The following CACNA1A variants were observed in gnomAD, a reference collection of about 807,000 sequenced individuals.
CACNA1A encodes voltage-dependent P/Q-type calcium channel subunit alpha-1A.
Under a neutral mutation model 262.4 loss-of-function variants are expected in CACNA1A, and 57 were observed. The ratio of observed to expected loss-of-function variants is 0.22; its 90% confidence interval spans 0.18 to 0.27. The LOEUF (loss-of-function observed/expected upper bound fraction) is 0.27. Among genes scored for constraint, CACNA1A ranks in the 10% least tolerant of loss-of-function variants. The pLI is 1.00. For synonymous variants in CACNA1A, 1,431 were observed against 1,419.3 expected, an observed-to-expected ratio of 1.01 and a Z score of -0.18; for missense variants, 2,526 against 3,562.8, an observed-to-expected ratio of 0.71 and a Z score of 7.41.
At chr19:13,409,571 G>T (rs2060073370) in intron 3 of CACNA1A, among the ~76,000 whole-genome samples, 1 of 151,976 alleles carries the variant, frequency 6.6e-6, no homozygotes, top group African/African-American at 2.4e-5. Flanking sequence ...TTTGAGGCAG[G>T]GTCTTATTCT....
intron 1 of CACNA1A, among the ~76,000 whole-genome samples, chr19:13,489,162 C>T (rs1261883251): frequency 6.6e-6 from 1 of 151,602 alleles, no homozygotes; most frequent in African/African-American, 2.4e-5. Flanking sequence ...CGGGTGTGCA[C>T]CACCATGCCC....
rs143245670 is a variant in CACNA1A at position 13,227,366 on chromosome 19, AAAGAAG to A, written c.5625+59_5625+64del. The A allele has an allele frequency of 1.0e-3, 661 of 647,970 alleles. 3 individuals carry two copies. The highest frequency in any genetic ancestry group is 8.8e-3 in the South Asian group (439 of 49,848). The allele number at this position is 647,970 out of a possible 1,614,324, so 40.1% of individuals were successfully genotyped here. On this transcript the variant is annotated intron_variant, in intron 37 of 46. Transcript: ENST00000360228. ...GGTGTTTCTGGTCAGCACTAAAAAA[AAAGAAG>A]AAGAAGAAGAAAAAAAAACCCAGTG...
In CACNA1A at chr19:13,346,195, C is replaced by T. The variant is rs1044096787; in HGVS notation, c.979-10286G>A. On this transcript the variant is annotated intron_variant, in intron 6 of 46. Transcript: ENST00000360228. Reference sequence around the variant, plus strand: ...GGGATTACAGGCGGGAGCCACCATGCCTGGCTGATCCATGAAGTATTTTAT... The same window carrying T: ...GGGATTACAGGCGGGAGCCACCATGTCTGGCTGATCCATGAAGTATTTTAT... Among the ~76,000 whole-genome samples, 4 of 152,106 alleles carry T rather than the reference C, an allele frequency of 2.6e-5. No homozygotes were observed. The East Asian group carries it at 7.7e-4, about 29-fold the overall frequency.
chr19:13,318,888 A>ATTTTTTTTTTTT (rs1600317762), intron 10 of CACNA1A, among the ~76,000 whole-genome samples: 1 of 94,680 alleles, frequency 1.1e-5, no homozygotes, highest in African/African-American at 5.0e-5. Context: ...TCTAAAATAC[A>ATTTTTTTTTTTT]TCTTTTTTTT....
intron 38 of CACNA1A, among the ~76,000 whole-genome samples, chr19:13,219,062 T>C (rs1311893055): frequency 1.8e-5 from 2 of 110,888 alleles, no homozygotes; most frequent in East Asian, 3.7e-4. Context: ...TTTTTTTTTT[T>C]CTAATAGAGT....
chr19:13,255,131 G>A lies in CACNA1A; in HGVS notation c.4719C>T (p.Ala1573=), dbSNP rs200922934. 1 of 1,613,920 alleles carries A rather than the reference G, an allele frequency of 6.2e-7. No individual in the cohort carries two copies. The highest frequency in any genetic ancestry group is 2.2e-5 in the East Asian group (1 of 44,878). Residue 1573 remains alanine (A), a synonymous_variant, in exon 29 of 47, where the codon GCC becomes GCT. Coordinates refer to ENST00000360228, the MANE Select transcript of CACNA1A (RefSeq NM_001127222.2). ...GCACGATGGTGTTGAGGGCGATCAT[G>A]GCCATGATCGTGTACTCGAAAGGCG... The part of the protein sequence containing the change: ...VSPPFEYTIM[A]MIALNTIVLM...
At chr19:13,340,982 G>A (rs1479224750) in intron 6 of CACNA1A, among the ~76,000 whole-genome samples, 5 of 152,192 alleles carry the variant, frequency 3.3e-5, no homozygotes, top group African/African-American at 7.2e-5. Context: ...TGAGGTAGGA[G>A]GATTGCTTGA....
chr19:13,413,738 G>T (rs1448667418), intron 3 of CACNA1A, among the ~76,000 whole-genome samples: 1 of 148,480 alleles, frequency 6.7e-6, no homozygotes, highest in African/African-American at 2.5e-5. Context: ...AAAAATTGCC[G>T]GGTGTGGTGC....
intron 3 of CACNA1A, among the ~76,000 whole-genome samples, chr19:13,428,187 C>G (rs2060440537): frequency 6.6e-6 from 1 of 152,148 alleles, no homozygotes; most frequent in Non-Finnish European, 1.5e-5. Context: ...CTTGGCCTCA[C>G]GACGTGCTGG....
At chr19:13,434,675 C>A (rs1274470729) in intron 3 of CACNA1A, among the ~76,000 whole-genome samples, 1 of 152,136 alleles carries the variant, frequency 6.6e-6, no homozygotes, top group Non-Finnish European at 1.5e-5. Context: ...TTTCCTGAGG[C>A]CTTCCCAGAA....
At chr19:13,367,660 G>A (rs542868591) in intron 4 of CACNA1A, among the ~76,000 whole-genome samples, 3 of 152,014 alleles carry the variant, frequency 2.0e-5, no homozygotes, top group East Asian at 2.0e-4. Flanking sequence ...CCCGGGAGGT[G>A]GAGCTTGCAG....
At position 13,303,570 on chromosome 19, in the gene CACNA1A, C is replaced by A. The variant is rs1419183049; in HGVS notation, c.2148G>T (p.Leu716=). Residue 716 remains leucine (L), a synonymous_variant, in exon 17 of 47, where the codon CTG becomes CTT. Coordinates refer to ENST00000360228, the MANE Select transcript of CACNA1A (RefSeq NM_001127222.2). ...CCTTGGTGAGCTCCTGGGCGTTGGCCAGATTGTCCACAGCGATGGCCAAGA... is the reference window on the plus strand; with the variant it reads ...CCTTGGTGAGCTCCTGGGCGTTGGCAAGATTGTCCACAGCGATGGCCAAGA... The part of the protein sequence containing the change: ...NVFLAIAVDN[L]ANAQELTKDE... 4.4e-6 allele frequency: 7 copies of A among 1,600,550 alleles called. No individual in the cohort carries two copies. Among genetic ancestry groups the A allele is most frequent in the Non-Finnish European group, 6.0e-6 (7 of 1,172,294 alleles).
At chr19:13,293,119 TTATTGATGAGAG>T (rs2057580888) in intron 19 of CACNA1A, among the ~76,000 whole-genome samples, 1 of 152,144 alleles carries the variant, frequency 6.6e-6, no homozygotes, top group African/African-American at 2.4e-5. Context: ...CTTTTTATGT[TTATTGATGAGAG>T]TATTACTAAC....
At position 13,206,443 on chromosome 19, in the gene CACNA1A, T is replaced by C. The variant is rs2054571618; in HGVS notation, c.*870A>G. 1.3e-5 allele frequency: 2 copies of C among 152,254 alleles called. No homozygotes were observed. Among genetic ancestry groups the C allele is most frequent in the South Asian group, 4.1e-4 (2 of 4,840 alleles). 9.4% of individuals were successfully genotyped at this position (152,254 alleles called of 1,614,324 possible). Reference sequence around the variant, plus strand: ...AAGACCACTCCTATCCAAAAGCCCTTTGATTCAACTTTTTTTTATTTTTTT... The same window carrying C: ...AAGACCACTCCTATCCAAAAGCCCTCTGATTCAACTTTTTTTTATTTTTTT... On this transcript the variant is annotated 3_prime_UTR_variant, in exon 47 of 47. Coordinates refer to ENST00000360228, the MANE Select transcript of CACNA1A (RefSeq NM_001127222.2).
chr19:13,342,403 G>A (rs1266307007), intron 6 of CACNA1A, among the ~76,000 whole-genome samples: 1 of 152,150 alleles, frequency 6.6e-6, no homozygotes, highest in South Asian at 2.1e-4. Context: ...GTCTGAATTC[G>A]GGAAGGAGAG....
chr19:13,441,927 C>G (rs183705736), intron 3 of CACNA1A, among the ~76,000 whole-genome samples: 1 of 152,284 alleles, frequency 6.6e-6, no homozygotes, highest in Admixed American at 6.5e-5. Flanking sequence ...CTTCTCCAGC[C>G]CCACAGGGAA....
intron 3 of CACNA1A, among the ~76,000 whole-genome samples, chr19:13,394,979 AT>A (rs1314871415): frequency 2.6e-5 from 4 of 152,154 alleles, no homozygotes; most frequent in Admixed American, 2.0e-4. Flanking sequence ...TTATAAAAAA[AT>A]TATCTGGCCA....
rs371086139 is a variant in CACNA1A, at chr19:13,441,109, C to T, written c.539+11767G>A. On this transcript the variant is annotated intron_variant, in intron 3 of 46. Transcript: ENST00000360228. The stretch of plus-strand genomic sequence containing the variant: ...ATTACAAGCATCAGCCACCATGCCC[C>T]ACCAAGTCAGGGGATGCTACTACTC... 2.6e-5 allele frequency among the ~76,000 whole-genome samples: 4 copies of T among 152,246 alleles called. No homozygotes were observed. In the South Asian group the frequency reaches 8.3e-4, roughly 32 times the overall value.
chr19:13,372,847 C>A (rs1022081055), intron 3 of CACNA1A, among the ~76,000 whole-genome samples: 2 of 152,198 alleles, frequency 1.3e-5, no homozygotes, highest in Non-Finnish European at 2.9e-5. Flanking sequence ...CAAAAAGAGT[C>A]CCTTTTGTAA....
Sources: allele counts gnomAD v4.1 joint callset (sites outside exome capture counted in the v4.1 genomes callset), GRCh38; gene constraint gnomAD v4.1.1; transcripts MANE v1.5; gene names NCBI Gene and HGNC (gene_info 2026-07-23, HGNC 2026-07-21).